DLG2: variants seen among roughly 807,000 people sequenced by gnomAD.
DLG2 encodes disks large homolog 2.
DLG2 carries 45 observed loss-of-function variants against 132.5 expected under a neutral mutation model. The ratio of observed to expected loss-of-function variants is 0.34; its 90% CI spans 0.27 to 0.44. The LOEUF is 0.44. DLG2 is among the 20% of genes least tolerant of loss of function. The pLI is 1.00. For missense variants in DLG2, 1,045 were observed against 1,196.9 expected, an observed-to-expected ratio of 0.87 and a Z score of 1.87; for synonymous variants, 424 against 419.6, an observed-to-expected ratio of 1.01 and a Z score of -0.13.
At chr11:85,062,308 G>C (rs2064237156) in intron 6 of DLG2, among the ~76,000 whole-genome samples, 4 of 151,804 alleles carry the variant, frequency 2.6e-5, no homozygotes, top group South Asian at 2.1e-4. Flanking sequence ...GATTTAATTT[G>C]TGTTTGATCA....
At chr11:85,358,405 T>C (rs1448816540) in intron 3 of DLG2, among the ~76,000 whole-genome samples, 1 of 152,192 alleles carries the variant, frequency 6.6e-6, no homozygotes, top group Non-Finnish European at 1.5e-5. Flanking sequence ...CCCAGTCTTT[T>C]CCTCTAATTT....
intron 18 of DLG2, among the ~76,000 whole-genome samples, chr11:83,724,472 T>TGAGAGAGAGAGAGA (rs1384949474): frequency 2.5e-4 from 24 of 97,632 alleles, no homozygotes; most frequent in South Asian, 8.9e-4. Context: ...TGTGTGTGTG[T>TGAGAGAGAGAGAGA]GTGTGAGAGA....
At chr11:84,266,443 C>G (rs905737590) in intron 7 of DLG2, among the ~76,000 whole-genome samples, 2 of 152,216 alleles carry the variant, frequency 1.3e-5, no homozygotes, top group South Asian at 2.1e-4. Context: ...ATCTTTATTC[C>G]TATACTAATA....
In DLG2 at chr11:84,585,552, A is replaced by G. The variant is rs11234085; in HGVS notation, c.358-50821T>C. ...GTCCAGCTCCTCAAAAAGTCCTGTT[A>G]AGATTTTTGCAGGAATTGCATTGAA... On this transcript the variant is annotated intron_variant, in intron 6 of 27. Transcript: ENST00000376104. Among the ~76,000 whole-genome samples, 521 of 152,324 alleles carry G rather than the reference A, an allele frequency of 3.4e-3. 3 individuals are homozygous for G. The highest frequency in any genetic ancestry group is 0.012 in the African/African-American group (496 of 41,572).
chr11:84,207,494 A>AG (rs1566931321), intron 8 of DLG2, among the ~76,000 whole-genome samples: 1 of 151,894 alleles, frequency 6.6e-6, no homozygotes, highest in Non-Finnish European at 1.5e-5. Flanking sequence ...CCATAAATAT[A>AG]TAGTAAAATA....
intron 6 of DLG2, among the ~76,000 whole-genome samples, chr11:84,878,145 A>G (rs1274165982): frequency 1.3e-5 from 2 of 152,192 alleles, no homozygotes; most frequent in African/African-American, 4.8e-5. Flanking sequence ...ATTGTGGAAG[A>G]CAGTGTGGTG....
chr11:85,497,505 C>T (rs889830100), intron 3 of DLG2, among the ~76,000 whole-genome samples: 3 of 152,134 alleles, frequency 2.0e-5, no homozygotes, highest in Non-Finnish European at 2.9e-5. Context: ...AAACACTCTT[C>T]AGGATATTAT....
intron 2 of DLG2, among the ~76,000 whole-genome samples, chr11:85,614,389 C>T (rs575997083): frequency 8.4e-4 from 128 of 151,834 alleles, no homozygotes; most frequent in Non-Finnish European, 1.8e-3. Context: ...CACCTGTAAT[C>T]CCAGCACTTG....
intron 15 of DLG2, among the ~76,000 whole-genome samples, chr11:83,885,588 A>G (rs1216170878): frequency 6.6e-6 from 1 of 152,172 alleles, no homozygotes; most frequent in Non-Finnish European, 1.5e-5. Flanking sequence ...GATTCAGGAA[A>G]TACAGAGAAC....
chr11:84,622,618 C>T (rs981767850), intron 6 of DLG2, among the ~76,000 whole-genome samples: 4 of 152,092 alleles, frequency 2.6e-5, no homozygotes, highest in Non-Finnish European at 5.9e-5. Flanking sequence ...GCCAGGGAGA[C>T]TTCATAGCAA....
At chr11:84,952,235 T>C (rs1375733652) in intron 6 of DLG2, among the ~76,000 whole-genome samples, 1 of 152,200 alleles carries the variant, frequency 6.6e-6, no homozygotes, top group Non-Finnish European at 1.5e-5. Context: ...ATGACCTTTT[T>C]CTCAGTGCTT....
chr11:84,797,978 C>T (rs1468309377), intron 6 of DLG2, among the ~76,000 whole-genome samples: 1 of 152,130 alleles, frequency 6.6e-6, no homozygotes, highest in Non-Finnish European at 1.5e-5. Flanking sequence ...CTCTGGATTA[C>T]CAGGCAGATA....
At chr11:84,248,309 A>G (rs1368446803) in intron 8 of DLG2, among the ~76,000 whole-genome samples, 1 of 151,844 alleles carries the variant, frequency 6.6e-6, no homozygotes, top group African/African-American at 2.4e-5. Context: ...GTTTTACCTC[A>G]TAAGTGTTTA....
At chr11:85,210,741 T>C (rs1156561175) in intron 4 of DLG2, among the ~76,000 whole-genome samples, 1 of 152,154 alleles carries the variant, frequency 6.6e-6, no homozygotes, top group African/African-American at 2.4e-5. Flanking sequence ...CTATTCCTAA[T>C]GACTCGGGAC....
rs2077521685 is a variant in DLG2, at chr11:84,820,225, A to G, written c.358-285494T>C. On this transcript the variant is annotated intron_variant, in intron 6 of 27. Coordinates refer to ENST00000376104, the MANE Select transcript of DLG2 (RefSeq NM_001142699.3). ...TATTCAGAACCATTATCAGGGCTCA[A>G]GCTGATTTTAATATAAAGGCATGGA... 3.9e-5 allele frequency among the ~76,000 whole-genome samples: 6 copies of G among 151,940 alleles called. No homozygotes were observed. The South Asian group carries it at 1.2e-3, about 31-fold the overall frequency.
At chr11:83,979,575 C>T (rs1175630082) in intron 12 of DLG2, among the ~76,000 whole-genome samples, 2 of 152,170 alleles carry the variant, frequency 1.3e-5, no homozygotes, top group African/African-American at 2.4e-5. Flanking sequence ...TATCATATAA[C>T]TCCATGGTTC....
At chr11:85,242,669 ATAT>A (rs1170535782) in intron 4 of DLG2, among the ~76,000 whole-genome samples, 1 of 151,432 alleles carries the variant, frequency 6.6e-6, no homozygotes, top group African/African-American at 2.4e-5. Flanking sequence ...TTTATTTAAA[ATAT>A]TATATTTATT....
intron 6 of DLG2, among the ~76,000 whole-genome samples, chr11:85,022,774 A>G (rs1284242176): frequency 1.3e-5 from 2 of 152,128 alleles, no homozygotes; most frequent in Non-Finnish European, 2.9e-5. Context: ...GAAACTTAAA[A>G]GTTATTTTTC....
At chr11:85,560,235 C>A (rs1415356573) in intron 3 of DLG2, among the ~76,000 whole-genome samples, 1 of 151,764 alleles carries the variant, frequency 6.6e-6, no homozygotes, top group Non-Finnish European at 1.5e-5. Flanking sequence ...ATCTAGGAAT[C>A]TACCAAAGAC....
Sources: gnomAD v4.1 joint callset for allele counts (sites outside exome capture counted in the v4.1 genomes callset) on GRCh38, gnomAD v4.1.1 for gene constraint, MANE v1.5 for transcripts, NCBI Gene and HGNC (gene_info 2026-07-23, HGNC 2026-07-21) for gene names.